Variants in RIT2 observed in about 807,000 individuals in gnomAD.
RIT2 encodes GTP-binding protein Rit2.
Under a neutral mutation model 23.7 loss-of-function variants are expected in RIT2, and 24 were observed. That is an observed-to-expected ratio of 1.01 (90% confidence interval 0.73 to 1.43). RIT2 has a LOEUF of 1.43. RIT2 is among the 40% of genes most tolerant of loss of function. The probability of loss-of-function intolerance (pLI) is 0.00; values close to 1 mark genes in which losing one functional copy is unlikely to be tolerated. For missense variants in RIT2, 236 were observed against 266.9 expected, an observed-to-expected ratio of 0.88 and a Z score of 0.81; for synonymous variants, 107 against 91.1, an observed-to-expected ratio of 1.17 and a Z score of -0.99.
At chr18:43,034,017 A>G (rs1911917999) in intron 1 of RIT2, 150 bp from the exon 2 acceptor site, 1 of 575,198 alleles carries the variant, frequency 1.7e-6, no homozygotes, top group Admixed American at 3.2e-5. Flanking sequence ...AAATGAAAAC[A>G]ATAAGACGAA....
chr18:42,939,169 A>C (rs1909533485), intron 3 of RIT2, among the ~76,000 whole-genome samples: 3 of 152,312 alleles, frequency 2.0e-5, no homozygotes, highest in African/African-American at 4.8e-5. Context: ...AACTGTCAAA[A>C]AATTATATCG....
chr18:43,045,842 G>GA (rs570562406), intron 1 of RIT2, among the ~76,000 whole-genome samples: 269 of 151,854 alleles, frequency 1.8e-3, no homozygotes, highest in African/African-American at 5.7e-3. Context: ...AGTCCTTCAT[G>GA]AAAAAAACTG....
At chr18:42,934,166 A>G (rs1316087228) in intron 3 of RIT2, among the ~76,000 whole-genome samples, 4 of 152,114 alleles carry the variant, frequency 2.6e-5, no homozygotes, top group Admixed American at 6.6e-5. Flanking sequence ...AAAAATTTAA[A>G]TATATAGAAA....
intron 3 of RIT2, among the ~76,000 whole-genome samples, chr18:42,945,989 T>G (rs977876763): frequency 1.3e-5 from 2 of 152,116 alleles, no homozygotes; most frequent in Non-Finnish European, 2.9e-5. Flanking sequence ...GTTGTTTAAT[T>G]TCTATTTTTT....
chr18:43,006,712 C>A (rs1175529759), intron 2 of RIT2, among the ~76,000 whole-genome samples: 6 of 151,140 alleles, frequency 4.0e-5, no homozygotes, highest in African/African-American at 1.5e-4. Context: ...ACATGACATG[C>A]AAAGAAGTTC....
At chr18:42,821,885 C>G (rs542963129) in intron 4 of RIT2, among the ~76,000 whole-genome samples, 8 of 152,258 alleles carry the variant, frequency 5.3e-5, no homozygotes, top group Middle Eastern at 6.8e-3. Flanking sequence ...ACACATTAAT[C>G]AAACTATTAA....
intron 3 of RIT2, among the ~76,000 whole-genome samples, chr18:42,963,827 T>C (rs755759656): frequency 6.6e-6 from 1 of 151,814 alleles, no homozygotes; most frequent in Non-Finnish European, 1.5e-5. Context: ...ACCCAGGAGG[T>C]GGAGGTTGCA....
chr18:42,855,318 C>T (rs1907153389), intron 4 of RIT2, among the ~76,000 whole-genome samples: 1 of 152,072 alleles, frequency 6.6e-6, no homozygotes, highest in Admixed American at 6.5e-5. Context: ...TAAGCATTAC[C>T]ATTGTGAAAT....
chr18:43,054,752 A>G (rs1356381901), intron 1 of RIT2, among the ~76,000 whole-genome samples: 1 of 152,082 alleles, frequency 6.6e-6, no homozygotes, highest in South Asian at 2.1e-4. Context: ...AATAACTCTC[A>G]TTGTAAATTG....
chr18:42,943,980 C>G (rs1410511981), intron 3 of RIT2, among the ~76,000 whole-genome samples: 1 of 152,110 alleles, frequency 6.6e-6, no homozygotes, highest in African/African-American at 2.4e-5. Flanking sequence ...CATTCCCTTA[C>G]TTTATTGCAA....
At chr18:43,049,782 C>T (rs1432707125) in intron 1 of RIT2, among the ~76,000 whole-genome samples, 1 of 151,818 alleles carries the variant, frequency 6.6e-6, no homozygotes, top group Non-Finnish European at 1.5e-5. Context: ...GTTCCAAAGG[C>T]TCAGGCAACA....
intron 4 of RIT2, among the ~76,000 whole-genome samples, chr18:42,858,152 G>A (rs980372972): frequency 5.9e-5 from 9 of 152,188 alleles, no homozygotes; most frequent in Non-Finnish European, 1.3e-4. Flanking sequence ...TTGCACTCCA[G>A]CCAGAGCGAA....
chr18:43,004,032 T>C (rs930008021), intron 2 of RIT2, among the ~76,000 whole-genome samples: 30 of 151,656 alleles, frequency 2.0e-4, no homozygotes, highest in South Asian at 6.2e-4. Context: ...TACTGATTTT[T>C]CCCCCCGCCA....
intron 2 of RIT2, among the ~76,000 whole-genome samples, chr18:43,001,038 T>C (rs1911092807): frequency 6.6e-6 from 1 of 152,102 alleles, no homozygotes. Flanking sequence ...ATTTCATTCT[T>C]TTATTTCATT....
chr18:42,927,893 GCTT>G (rs1219084824), intron 3 of RIT2, among the ~76,000 whole-genome samples: 1 of 151,852 alleles, frequency 6.6e-6, no homozygotes, highest in Non-Finnish European at 1.5e-5. Flanking sequence ...TCATATTCCA[GCTT>G]CTTGATTATC....
At chr18:43,105,132 T>TG (rs1568083682) in intron 1 of RIT2, among the ~76,000 whole-genome samples, 19 of 87,844 alleles carry the variant, frequency 2.2e-4, no homozygotes, top group African/African-American at 7.4e-4. Context: ...GTGTGTGTGT[T>TG]TGTGTGTGTG....
At position 42,775,652 on chromosome 18, in the gene RIT2, G is replaced by A. The variant is rs574224490; in HGVS notation, c.427-31932C>T. Among the ~76,000 whole-genome samples, 9 of 151,808 alleles carry A rather than the reference G, an allele frequency of 5.9e-5. No individual in the cohort carries two copies. In the South Asian group the frequency reaches 1.2e-3, roughly 21 times the overall value. ...GCGGAGCTTGCAGTGAGCCTAGATC[G>A]CGCCACTGCACTCCAGCCTGGGCGA... On this transcript the variant is annotated intron_variant, in intron 4 of 4. Coordinates refer to ENST00000326695, the MANE Select transcript of RIT2 (RefSeq NM_002930.4).
intron 1 of RIT2, among the ~76,000 whole-genome samples, chr18:43,050,237 T>C (rs1171312201): frequency 6.6e-6 from 1 of 151,794 alleles, no homozygotes; most frequent in Non-Finnish European, 1.5e-5. Context: ...TACTATGTTG[T>C]CCTGGCTGGT....
At chr18:42,768,970 A>C (rs1913487294) in intron 4 of RIT2, among the ~76,000 whole-genome samples, 1 of 152,188 alleles carries the variant, frequency 6.6e-6, no homozygotes, top group Non-Finnish European at 1.5e-5. Flanking sequence ...CAAGTAACCC[A>C]GGCCAGGCTA....
Sources: gnomAD v4.1 joint callset for allele counts (sites outside exome capture counted in the v4.1 genomes callset) on GRCh38, gnomAD v4.1.1 for gene constraint, MANE v1.5 for transcripts, NCBI Gene and HGNC (gene_info 2026-07-23, HGNC 2026-07-21) for gene names.